MGMT: variants seen among roughly 807,000 people sequenced by gnomAD.
The protein encoded by MGMT is O-6-methylguanine-DNA methyltransferase, also known as methylated-DNA--protein-cysteine methyltransferase.
In MGMT, 14 loss-of-function variants were observed where a neutral mutation model predicts 15.9. That is an observed-to-expected ratio of 0.88 (90% CI 0.58 to 1.37). MGMT has a LOEUF of 1.37. Among genes scored for constraint, MGMT ranks in the 40% most tolerant of loss-of-function variants. MGMT has a pLI of 0.00. For synonymous variants in MGMT, 130 were observed against 118.2 expected, an observed-to-expected ratio of 1.10 and a Z score of -0.65; for missense variants, 282 against 268.1, an observed-to-expected ratio of 1.05 and a Z score of -0.36.
intron 1 of MGMT, among the ~76,000 whole-genome samples, chr10:129,513,071 G>A (rs1160313891): frequency 2.0e-5 from 3 of 152,204 alleles, no homozygotes; most frequent in Admixed American, 2.0e-4. Flanking sequence ...TTCAGCCTTA[G>A]AAAGGGTGGG....
At position 129,768,692 on chromosome 10, in the gene MGMT, C is replaced by T. The variant is rs1004337961; in HGVS notation, c.*1695C>T. Among the ~76,000 whole-genome samples the T allele has an allele frequency of 6.6e-6, 1 of 152,206 alleles. No homozygotes were observed. Among genetic ancestry groups the T allele is most frequent in the Non-Finnish European group, 1.5e-5 (1 of 68,040 alleles). On this transcript the variant is annotated 3_prime_UTR_variant, in exon 5 of 5. Transcript: ENST00000651593. The stretch of plus-strand genomic sequence containing the variant: ...CTTGGGGCCTGGTGGCCCGGGTGTG[C>T]GAGCCGCGAGTGCTTTCCAACAGAG...
At chr10:129,622,639 T>G (rs551220275) in intron 2 of MGMT, among the ~76,000 whole-genome samples, 27 of 152,370 alleles carry the variant, frequency 1.8e-4, no homozygotes, top group Middle Eastern at 6.8e-3. Context: ...TCCAATAACA[T>G]TACATGGCTT....
At chr10:129,602,172 C>T (rs1846830939) in intron 2 of MGMT, among the ~76,000 whole-genome samples, 1 of 152,058 alleles carries the variant, frequency 6.6e-6, no homozygotes, top group African/African-American at 2.4e-5. Flanking sequence ...AAGTGTGATA[C>T]AGAATCATAT....
At chr10:129,733,185 G>T (rs1848521754) in intron 3 of MGMT, among the ~76,000 whole-genome samples, 1 of 136,616 alleles carries the variant, frequency 7.3e-6, no homozygotes, top group African/African-American at 2.7e-5. Flanking sequence ...CAGTGTAAAA[G>T]TGTTCCTATT....
intron 2 of MGMT, among the ~76,000 whole-genome samples, chr10:129,642,222 C>T (rs577688562): frequency 1.3e-3 from 203 of 151,020 alleles, no homozygotes; most frequent in African/African-American, 4.5e-3. Context: ...GGCGGGCGGG[C>T]GGGCGTAGGG....
intron 1 of MGMT, among the ~76,000 whole-genome samples, chr10:129,470,404 A>G (rs113179355): frequency 1.5e-4 from 23 of 152,354 alleles, no homozygotes; most frequent in African/African-American, 4.6e-4. Flanking sequence ...AAAAATTAAC[A>G]GTACAGCTTA....
At chr10:129,616,728 C>T (rs576198036) in intron 2 of MGMT, among the ~76,000 whole-genome samples, 1 of 152,278 alleles carries the variant, frequency 6.6e-6, no homozygotes, top group South Asian at 2.1e-4. Flanking sequence ...AGGTTAGAGC[C>T]TGGGGAACCT....
intron 2 of MGMT, among the ~76,000 whole-genome samples, chr10:129,612,308 C>A (rs1477262253): frequency 2.0e-5 from 3 of 152,158 alleles, no homozygotes; most frequent in Non-Finnish European, 4.4e-5. Flanking sequence ...TATCAGACTT[C>A]AAGTCTGTGT....
Position 129,602,483 on chromosome 10 carries a change from T to A in MGMT, c.125+66106T>A, listed in dbSNP as rs118114844. On this transcript the variant is annotated intron_variant, in intron 2 of 4. Transcript: ENST00000651593. ...TTCACCAAAATGAAGTTAAAATTTG[T>A]TTGGGAAGTTGCTTGTACTGTGCCT... Among the ~76,000 whole-genome samples, 45 of 152,264 alleles carry A rather than the reference T, an allele frequency of 3.0e-4. No homozygotes were observed. The East Asian group carries it at 8.3e-3, about 28-fold the overall frequency.
chr10:129,507,475 A>T (rs1000328318), intron 1 of MGMT, among the ~76,000 whole-genome samples: 1 of 152,146 alleles, frequency 6.6e-6, no homozygotes, highest in Non-Finnish European at 1.5e-5. Context: ...ACTGGGAGCA[A>T]TGGCCCTGCT....
At chr10:129,740,932 A>G (rs1015566440) in intron 3 of MGMT, among the ~76,000 whole-genome samples, 1 of 152,174 alleles carries the variant, frequency 6.6e-6, no homozygotes, top group African/African-American at 2.4e-5. Flanking sequence ...TTCCAGACCT[A>G]CGTTACCATC....
chr10:129,520,168 G>A (rs1369674682), intron 1 of MGMT, among the ~76,000 whole-genome samples: 1 of 152,170 alleles, frequency 6.6e-6, no homozygotes, highest in Non-Finnish European at 1.5e-5. Context: ...CAAAACAGAT[G>A]CTTTCAGGAT....
chr10:129,740,147 T>TC (rs1848614347), intron 3 of MGMT, among the ~76,000 whole-genome samples: 1 of 152,200 alleles, frequency 6.6e-6, no homozygotes, highest in Non-Finnish European at 1.5e-5. Context: ...GAGTTAGAAG[T>TC]CGGGGTCCGG....
At chr10:129,485,797 T>C (rs1845402386) in intron 1 of MGMT, among the ~76,000 whole-genome samples, 1 of 152,188 alleles carries the variant, frequency 6.6e-6, no homozygotes, top group Admixed American at 6.5e-5. Context: ...AAGTTATTAG[T>C]GGACTCATAA....
chr10:129,661,217 T>A (rs1352837133), intron 2 of MGMT, among the ~76,000 whole-genome samples: 2 of 152,230 alleles, frequency 1.3e-5, no homozygotes, highest in Admixed American at 6.5e-5. Flanking sequence ...TTCCAACTTT[T>A]TTTTTTTGCT....
intron 1 of MGMT, among the ~76,000 whole-genome samples, chr10:129,511,110 TGG>T (rs753544544): frequency 0.054 from 7,670 of 142,688 alleles, 934 homozygotes; most frequent in African/African-American, 0.2. Context: ...CTTCATGTGA[TGG>T]GAACCCAGTA....
chr10:129,577,870 A>G (rs536808687), intron 2 of MGMT, among the ~76,000 whole-genome samples: 1 of 152,346 alleles, frequency 6.6e-6, no homozygotes, highest in South Asian at 2.1e-4. Context: ...AAAGTGGGCA[A>G]AGGATATGAA....
chr10:129,479,748 T>G (rs959969511), intron 1 of MGMT, among the ~76,000 whole-genome samples: 14 of 150,714 alleles, frequency 9.3e-5, no homozygotes, highest in African/African-American at 3.4e-4. Context: ...AAGGTGAGAT[T>G]AGGTCCCTAA....
chr10:129,542,123 G>A (rs372222258), intron 2 of MGMT, among the ~76,000 whole-genome samples: 25 of 152,310 alleles, frequency 1.6e-4, no homozygotes, highest in East Asian at 5.8e-4. Flanking sequence ...CATGGAAAGC[G>A]TGAAGATGCC....
Sources: gnomAD v4.1 joint callset for allele counts (sites outside exome capture counted in the v4.1 genomes callset) on GRCh38, gnomAD v4.1.1 for gene constraint, MANE v1.5 for transcripts, NCBI Gene and HGNC (gene_info 2026-07-23, HGNC 2026-07-21) for gene names.